The following MAGI2 variants were observed in gnomAD, a reference collection of about 807,000 sequenced individuals.
MAGI2 encodes membrane associated guanylate kinase, WW and PDZ domain containing 2.
MAGI2 carries 35 observed loss-of-function variants against 133.3 expected under a neutral mutation model. The observed-to-expected ratio is 0.26, with a 90% CI of 0.20 to 0.35. MAGI2 has a LOEUF of 0.35. MAGI2 is among the 10% of genes least tolerant of loss of function. The probability of loss-of-function intolerance (pLI) is 1.00; values close to 1 mark genes in which losing one functional copy is unlikely to be tolerated. For missense variants in MAGI2, 1,636 were observed against 1,863.4 expected (o/e 0.88, Z 2.25); for synonymous variants, 729 against 710.6 (o/e 1.03, Z -0.41).
intron 2 of MAGI2, among the ~76,000 whole-genome samples, chr7:78,858,502 G>A (rs575977329): frequency 6.6e-6 from 1 of 152,046 alleles, no homozygotes; most frequent in Non-Finnish European, 1.5e-5. Flanking sequence ...CCTTCCTTTC[G>A]TTATGCACCC....
At position 78,549,203 on chromosome 7, in the gene MAGI2, A is replaced by G. The variant is rs1463402381; in HGVS notation, c.539-27558T>C. ...AGATATAAGTGGGCCTGGAACTATT[A>G]GCTAGGTATTATGGATAGGAGCTGG... is the stretch of plus-strand genomic sequence containing the variant. On this transcript the variant is annotated intron_variant, in intron 3 of 21. Coordinates refer to ENST00000354212, the MANE Select transcript of MAGI2 (RefSeq NM_012301.4). Among the ~76,000 whole-genome samples the G allele has an allele frequency of 6.6e-5, 10 of 152,242 alleles. No individual in the cohort carries two copies. The East Asian group carries it at 1.9e-3, about 29-fold the overall frequency.
chr7:78,090,262 T>C (rs1817057194), intron 20 of MAGI2, among the ~76,000 whole-genome samples: 1 of 152,258 alleles, frequency 6.6e-6, no homozygotes, highest in Non-Finnish European at 1.5e-5. Flanking sequence ...TTAGTCTAGG[T>C]ATCTGTGTAT....
At chr7:79,433,257 AAAT>A (rs1847900451) in intron 1 of MAGI2, among the ~76,000 whole-genome samples, 1 of 152,088 alleles carries the variant, frequency 6.6e-6, no homozygotes, top group South Asian at 2.1e-4. Flanking sequence ...GGTGAGAGAA[AAAT>A]AATTGTTTTG....
At chr7:78,063,476 A>C (rs1421024746) in intron 21 of MAGI2, among the ~76,000 whole-genome samples, 1 of 152,150 alleles carries the variant, frequency 6.6e-6, no homozygotes, top group East Asian at 1.9e-4. Context: ...TTTTGGCCTC[A>C]AGCGATCCTC....
intron 1 of MAGI2, among the ~76,000 whole-genome samples, chr7:79,126,907 G>T (rs527760435): frequency 6.6e-6 from 1 of 151,600 alleles, no homozygotes; most frequent in East Asian, 1.9e-4. Context: ...CCATTAACTC[G>T]TCATTTAGCA....
At chr7:78,857,524 T>A (rs1793761259) in intron 2 of MAGI2, among the ~76,000 whole-genome samples, 1 of 152,216 alleles carries the variant, frequency 6.6e-6, no homozygotes, top group Non-Finnish European at 1.5e-5. Flanking sequence ...GTGGTTTTTG[T>A]GTTTGGTTCT....
At chr7:78,838,050 C>T (rs1791806216) in intron 2 of MAGI2, among the ~76,000 whole-genome samples, 1 of 152,112 alleles carries the variant, frequency 6.6e-6, no homozygotes, top group Non-Finnish European at 1.5e-5. Context: ...TCTCCTCATG[C>T]ATCTTTAATG....
In MAGI2 at chr7:78,018,524, G is replaced by A. The variant is rs991972038; in HGVS notation, c.*791C>T. The A allele has an allele frequency of 6.6e-6, 1 of 152,206 alleles. No individual in the cohort carries two copies. Among genetic ancestry groups the A allele is most frequent in the Admixed American group, 6.5e-5 (1 of 15,288 alleles). 9.4% of individuals were successfully genotyped at this position (152,206 alleles called of 1,614,324 possible). ...CATATTTTAGAGAAAAACCAATTAAGATCTATGAGCTAAACTGCAAAATTC... is the reference window on the plus strand; with the variant it reads ...CATATTTTAGAGAAAAACCAATTAAAATCTATGAGCTAAACTGCAAAATTC... On this transcript the variant is annotated 3_prime_UTR_variant, in exon 22 of 22. Transcript: ENST00000354212.
intron 3 of MAGI2, among the ~76,000 whole-genome samples, chr7:78,525,614 A>T (rs1468776): frequency 0.57 from 86,939 of 152,042 alleles, 26,669 homozygotes; most frequent in African/African-American, 0.82. Flanking sequence ...AACAGACGAA[A>T]AAACAAAACC....
chr7:78,536,473 C>G (rs1458559158), intron 3 of MAGI2, among the ~76,000 whole-genome samples: 2 of 152,092 alleles, frequency 1.3e-5, no homozygotes, highest in Non-Finnish European at 1.5e-5. Context: ...GAGCCCCGGG[C>G]AAGGAGAACC....
chr7:79,207,997 A>T (rs1292810174), intron 1 of MAGI2, among the ~76,000 whole-genome samples: 2 of 152,084 alleles, frequency 1.3e-5, no homozygotes, highest in Non-Finnish European at 2.9e-5. Context: ...CAGAAGAATG[A>T]AATTAGACCT....
At chr7:78,077,652 A>G (rs948024869) in intron 21 of MAGI2, among the ~76,000 whole-genome samples, 2 of 145,976 alleles carry the variant, frequency 1.4e-5, no homozygotes, top group Admixed American at 1.4e-4. Flanking sequence ...TGCCCTGCTA[A>G]GTAAGGAGAT....
At chr7:78,885,618 T>C (rs1796202332) in intron 2 of MAGI2, among the ~76,000 whole-genome samples, 1 of 135,700 alleles carries the variant, frequency 7.4e-6, no homozygotes, top group Non-Finnish European at 1.6e-5. Flanking sequence ...CATCCTTTAT[T>C]GAAAGGAATA....
At chr7:79,000,177 A>G (rs1806718615) in intron 2 of MAGI2, 1 of 152,168 alleles carries the variant, frequency 6.6e-6, no homozygotes, top group Non-Finnish European at 1.5e-5. Flanking sequence ...TCAAAGCTAT[A>G]TTACTTAAAG....
At chr7:79,396,251 C>T (rs568701389) in intron 1 of MAGI2, among the ~76,000 whole-genome samples, 10 of 152,224 alleles carry the variant, frequency 6.6e-5, no homozygotes, top group Middle Eastern at 3.4e-3. Context: ...TATGCTCTGA[C>T]GGCATGCCTG....
intron 1 of MAGI2, among the ~76,000 whole-genome samples, chr7:79,244,578 G>T (rs1206690552): frequency 6.6e-6 from 1 of 152,164 alleles, no homozygotes; most frequent in South Asian, 2.1e-4. Context: ...ATAGCCAGAG[G>T]GGAATTGCCT....
In MAGI2 at chr7:79,190,052, A is replaced by AT. The variant is rs1029579613; in HGVS notation, c.302-182847dup. ...TTGAAGGACATTTTGGTGGCTTTAA[A>AT]TTTTTTTTGTCATTATGAATAAAGC... On this transcript the variant is annotated intron_variant, in intron 1 of 21. Coordinates refer to ENST00000354212, the MANE Select transcript of MAGI2 (RefSeq NM_012301.4). 4.0e-5 allele frequency among the ~76,000 whole-genome samples: 6 copies of AT among 151,488 alleles called. 1 individual carries two copies. Among genetic ancestry groups the AT allele is most frequent in the African/African-American group, 9.7e-5 (4 of 41,184 alleles).
At chr7:78,731,140 T>C (rs913788768) in intron 2 of MAGI2, among the ~76,000 whole-genome samples, 1 of 152,162 alleles carries the variant, frequency 6.6e-6, no homozygotes, top group Admixed American at 6.5e-5. Context: ...GAATCAGAAG[T>C]GCCATTGAAG....
intron 7 of MAGI2, among the ~76,000 whole-genome samples, chr7:78,353,739 GT>G (rs1304521955): frequency 6.6e-6 from 1 of 152,142 alleles, no homozygotes; most frequent in African/African-American, 2.4e-5. Flanking sequence ...AGATATAGAG[GT>G]GCTCAATAAT....
Sources: gnomAD v4.1 joint callset for allele counts (sites outside exome capture counted in the v4.1 genomes callset) on GRCh38, gnomAD v4.1.1 for gene constraint, MANE v1.5 for transcripts, NCBI Gene and HGNC (gene_info 2026-07-23, HGNC 2026-07-21) for gene names.